Variants in LRP1B observed in about 807,000 individuals in gnomAD.
LRP1B encodes the protein low-density lipoprotein receptor-related protein 1B.
A neutral mutation model predicts 556.6 loss-of-function variants in LRP1B; 217 were observed. That is an observed-to-expected ratio of 0.39 (90% CI 0.35 to 0.44). The LOEUF (loss-of-function observed/expected upper bound fraction) is 0.44. Among genes scored for constraint, LRP1B ranks in the 20% least tolerant of loss-of-function variants. The pLI is 1.00. For synonymous variants in LRP1B, 2,047 were observed against 1,865.8 expected, an observed-to-expected ratio of 1.10 and a Z score of -2.50; for missense variants, 5,053 against 5,620.8, an observed-to-expected ratio of 0.90 and a Z score of 3.23.
intron 66 of LRP1B, among the ~76,000 whole-genome samples, chr2:140,400,550 C>G (rs945893400): frequency 1.3e-5 from 2 of 152,102 alleles, no homozygotes; most frequent in African/African-American, 4.8e-5. Context: ...TTTGGAAACT[C>G]CCAATTTGAG....
At chr2:140,270,406 G>C in intron 85 of LRP1B, 60 bp from the exon 86 acceptor site, 2 of 1,080,892 alleles carry the variant, frequency 1.9e-6, no homozygotes, top group Non-Finnish European at 2.9e-6. Flanking sequence ...ATTGCTGAAA[G>C]CTGACATAAA....
chr2:141,545,845 G>C (rs567627961), intron 2 of LRP1B, among the ~76,000 whole-genome samples: 1 of 152,214 alleles, frequency 6.6e-6, no homozygotes, highest in African/African-American at 2.4e-5. Flanking sequence ...GAATAGGAAA[G>C]GAAACAGATT....
chr2:140,635,880 A>C (rs976117663), intron 41 of LRP1B, among the ~76,000 whole-genome samples: 5 of 152,114 alleles, frequency 3.3e-5, no homozygotes, highest in African/African-American at 1.2e-4. Context: ...AACATGTTGA[A>C]CACCATCAAT....
intron 20 of LRP1B, among the ~76,000 whole-genome samples, chr2:140,935,292 G>A (rs890157084): frequency 4.6e-5 from 7 of 151,992 alleles, no homozygotes; most frequent in South Asian, 4.1e-4. Context: ...AAGAAACAAC[G>A]GATGAACAAA....
chr2:141,078,658 A>C (rs1032467194), intron 7 of LRP1B, among the ~76,000 whole-genome samples: 2 of 152,164 alleles, frequency 1.3e-5, no homozygotes, highest in African/African-American at 4.8e-5. Context: ...AGCATGAAGA[A>C]AGAAGTGTTC....
intron 3 of LRP1B, among the ~76,000 whole-genome samples, chr2:141,389,945 G>C (rs1030363167): frequency 6.6e-6 from 1 of 152,108 alleles, no homozygotes; most frequent in African/African-American, 2.4e-5. Flanking sequence ...TTTGAGACCA[G>C]CCTGGCCAAC....
At position 141,613,778 on chromosome 2, in the gene LRP1B, A is replaced by G. The variant is rs1453611363; in HGVS notation, c.206-133245T>C. ...GAATACTACGGTCAAATTCCTTTAG[A>G]AAATGTTTACTTTGCCGGGTATGGC... On this transcript the variant is annotated intron_variant, in intron 2 of 90. Transcript: ENST00000389484. Among the ~76,000 whole-genome samples the G allele has an allele frequency of 4.6e-5, 7 of 152,164 alleles. No homozygotes were observed. The East Asian group carries it at 1.3e-3, about 29-fold the overall frequency.
At chr2:142,005,145 C>G (rs1191971) in intron 1 of LRP1B, among the ~76,000 whole-genome samples, 9,471 of 148,756 alleles carry the variant, frequency 0.064, 584 homozygotes, top group African/African-American at 0.16. Flanking sequence ...ATATGTACTG[C>G]ATATTTAATA....
At chr2:141,018,345 T>C (rs1311586262) in intron 12 of LRP1B, among the ~76,000 whole-genome samples, 1 of 152,120 alleles carries the variant, frequency 6.6e-6, no homozygotes, top group Non-Finnish European at 1.5e-5. Flanking sequence ...CACTTATTCC[T>C]TGTATATAGG....
At chr2:141,319,744 C>A (rs1026002338) in intron 3 of LRP1B, among the ~76,000 whole-genome samples, 1 of 151,976 alleles carries the variant, frequency 6.6e-6, no homozygotes, top group Non-Finnish European at 1.5e-5. Flanking sequence ...TGTATTGAAT[C>A]GCAAGTTGCA....
At chr2:141,485,671 T>A (rs1683094235) in intron 2 of LRP1B, among the ~76,000 whole-genome samples, 1 of 152,168 alleles carries the variant, frequency 6.6e-6, no homozygotes, top group African/African-American at 2.4e-5. Context: ...TTGTATCCCA[T>A]GAAGCTCCTT....
At chr2:141,513,056 A>G (rs1032286781) in intron 2 of LRP1B, among the ~76,000 whole-genome samples, 6 of 152,278 alleles carry the variant, frequency 3.9e-5, no homozygotes, top group Non-Finnish European at 7.4e-5. Flanking sequence ...TACCTCCATT[A>G]TAATTCTCTT....
At chr2:141,827,369 T>A (rs1696972079) in intron 1 of LRP1B, among the ~76,000 whole-genome samples, 1 of 152,222 alleles carries the variant, frequency 6.6e-6, no homozygotes, top group African/African-American at 2.4e-5. Flanking sequence ...ACATACTCTA[T>A]CCTGTAAACC....
chr2:141,662,824 G>A (rs888236053), intron 2 of LRP1B, among the ~76,000 whole-genome samples: 14 of 151,788 alleles, frequency 9.2e-5, no homozygotes, highest in Admixed American at 2.6e-4. Context: ...TCGATCAAGT[G>A]GACCTAATAG....
chr2:141,610,304 A>C, intron 2 of LRP1B, among the ~76,000 whole-genome samples: 1 of 147,930 alleles, frequency 6.8e-6, no homozygotes. Context: ...GTATTATTAT[A>C]CTTTAAAACT....
At chr2:140,561,672 TA>T (rs1448861935) in intron 43 of LRP1B, among the ~76,000 whole-genome samples, 1 of 151,996 alleles carries the variant, frequency 6.6e-6, no homozygotes, top group Non-Finnish European at 1.5e-5. Flanking sequence ...TAAACTCATA[TA>T]AGTAAAGAAA....
chr2:141,196,493 G>A (rs1681755862), intron 6 of LRP1B, among the ~76,000 whole-genome samples: 1 of 152,038 alleles, frequency 6.6e-6, no homozygotes, highest in African/African-American at 2.4e-5. Context: ...TTAATATTCA[G>A]TCTTTATATA....
chr2:141,700,855 A>G lies in LRP1B; in HGVS notation c.205+109424T>C, dbSNP rs545378832. 1.3e-3 allele frequency among the ~76,000 whole-genome samples: 197 copies of G among 151,984 alleles called. 1 individual carries two copies. Among genetic ancestry groups the G allele is most frequent in the Middle Eastern group, 6.8e-3 (2 of 294 alleles). On this transcript the variant is annotated intron_variant, in intron 2 of 90. Transcript: ENST00000389484. ...ACATAATAAAGGAAAAAACATTCTG[A>G]TAAGGTACCTAAGATGTATTTACAA...
At chr2:142,100,370 G>T (rs1410729521) in intron 1 of LRP1B, among the ~76,000 whole-genome samples, 2 of 151,910 alleles carry the variant, frequency 1.3e-5, no homozygotes, top group Non-Finnish European at 2.9e-5. Flanking sequence ...ATTCCTTGGG[G>T]AGAAGCAACA....
Sources: gnomAD v4.1 joint callset for allele counts (sites outside exome capture counted in the v4.1 genomes callset) on GRCh38, gnomAD v4.1.1 for gene constraint, MANE v1.5 for transcripts, NCBI Gene and HGNC (gene_info 2026-07-23, HGNC 2026-07-21) for gene names.